Variants in PDE3B observed in about 807,000 individuals in gnomAD.
PDE3B encodes the protein phosphodiesterase 3B, also known as cGMP-inhibited 3',5'-cyclic phosphodiesterase 3B.
Under a neutral mutation model 116.8 loss-of-function variants are expected in PDE3B, and 66 were observed. The observed-to-expected ratio is 0.56, with a 90% confidence interval of 0.46 to 0.69. PDE3B has a LOEUF of 0.69. Ranked by LOEUF, PDE3B falls within the 30% of genes least tolerant of loss-of-function variation. PDE3B has a pLI of 0.00. For missense variants in PDE3B, 1,384 were observed against 1,368.1 expected, an observed-to-expected ratio of 1.01 and a Z score of -0.18; for synonymous variants, 595 against 533.6, an observed-to-expected ratio of 1.12 and a Z score of -1.59.
chr11:14,674,336 A>C, intron 1 of PDE3B: 1 of 870,632 alleles, frequency 1.1e-6, no homozygotes, highest in Non-Finnish European at 1.9e-6. Context: ...TGAAGTTCTT[A>C]TTCTTTCTGC....
chr11:14,859,700 G>C (rs1847912037), intron 13 of PDE3B, among the ~76,000 whole-genome samples: 1 of 152,094 alleles, frequency 6.6e-6, no homozygotes, highest in African/African-American at 2.4e-5. Flanking sequence ...TGATTCTTTA[G>C]CTGGCTAGTT....
chr11:14,679,969 T>A (rs1472061975), intron 1 of PDE3B, among the ~76,000 whole-genome samples: 2 of 152,072 alleles, frequency 1.3e-5, no homozygotes, highest in Non-Finnish European at 2.9e-5. Flanking sequence ...AAAGATGGCC[T>A]TATCAAATTT....
chr11:14,732,660 C>A (rs911263845), intron 1 of PDE3B, among the ~76,000 whole-genome samples: 2 of 152,136 alleles, frequency 1.3e-5, no homozygotes, highest in African/African-American at 4.8e-5. Context: ...CCTTGGTATA[C>A]ATGGGAGATT....
intron 1 of PDE3B, among the ~76,000 whole-genome samples, chr11:14,739,932 C>T (rs1856715257): frequency 6.6e-6 from 1 of 152,130 alleles, no homozygotes; most frequent in Middle Eastern, 3.2e-3. Flanking sequence ...TTGAACTAGC[C>T]TTGCATCCCA....
chr11:14,826,316 A>G (rs991625970), intron 7 of PDE3B, among the ~76,000 whole-genome samples: 1 of 152,192 alleles, frequency 6.6e-6, no homozygotes, highest in Non-Finnish European at 1.5e-5. Context: ...CATCCAAAAG[A>G]TGAATGAAAC....
At chr11:14,648,178 A>G (rs566755607) in intron 1 of PDE3B, among the ~76,000 whole-genome samples, 8 of 152,188 alleles carry the variant, frequency 5.3e-5, no homozygotes, top group South Asian at 2.1e-4. Flanking sequence ...CAGCTTTTCA[A>G]TGAGATCACT....
intron 14 of PDE3B, among the ~76,000 whole-genome samples, chr11:14,863,903 G>A (rs1306227995): frequency 2.6e-5 from 4 of 152,078 alleles, no homozygotes; most frequent in African/African-American, 9.7e-5. Context: ...CAACTAACGG[G>A]CAAAATTAAC....
At chr11:14,801,596 C>T (rs777921888) in intron 4 of PDE3B, among the ~76,000 whole-genome samples, 9 of 152,202 alleles carry the variant, frequency 5.9e-5, no homozygotes, top group Non-Finnish European at 1.3e-4. Flanking sequence ...GTCTTCCAGT[C>T]AGGATACATG....
chr11:14,707,001 T>G (rs781116595), intron 1 of PDE3B, among the ~76,000 whole-genome samples: 2 of 151,902 alleles, frequency 1.3e-5, no homozygotes, highest in Non-Finnish European at 2.9e-5. Context: ...GAAGACAATC[T>G]AGATGCCTCT....
intron 1 of PDE3B, among the ~76,000 whole-genome samples, chr11:14,693,268 A>C (rs1244691912): frequency 1.3e-5 from 2 of 152,234 alleles, no homozygotes; most frequent in African/African-American, 4.8e-5. Flanking sequence ...GCAAGTGCTG[A>C]TGGAGAAGCT....
intron 4 of PDE3B, among the ~76,000 whole-genome samples, chr11:14,799,533 G>T (rs1264757649): frequency 6.6e-6 from 1 of 151,982 alleles, no homozygotes; most frequent in Non-Finnish European, 1.5e-5. Flanking sequence ...ACAGTAGGGT[G>T]TTAAAGTCTC....
At chr11:14,659,120 T>C (rs1276898166) in intron 1 of PDE3B, among the ~76,000 whole-genome samples, 2 of 152,174 alleles carry the variant, frequency 1.3e-5, no homozygotes, top group Non-Finnish European at 2.9e-5. Context: ...GGTGAATGCC[T>C]CAGTTTATAG....
At chr11:14,836,397 G>C (rs1350152236) in intron 11 of PDE3B, among the ~76,000 whole-genome samples, 2 of 152,012 alleles carry the variant, frequency 1.3e-5, no homozygotes, top group African/African-American at 4.8e-5. Context: ...ATGTACTCAT[G>C]TAATTTTTTT....
chr11:14,796,626 T>C (rs904080474), intron 4 of PDE3B, among the ~76,000 whole-genome samples: 1 of 152,248 alleles, frequency 6.6e-6, no homozygotes, highest in Admixed American at 6.5e-5. Flanking sequence ...CCAGTGATAA[T>C]GATCATTTTT....
At chr11:14,759,036 T>A (rs1857276101) in intron 1 of PDE3B, among the ~76,000 whole-genome samples, 2 of 152,102 alleles carry the variant, frequency 1.3e-5, no homozygotes, top group South Asian at 4.2e-4. Flanking sequence ...CATGTGGTTT[T>A]TGTCTTTGGC....
At chr11:14,725,287 CTTTT>C (rs1039952918) in intron 1 of PDE3B, among the ~76,000 whole-genome samples, 2 of 149,212 alleles carry the variant, frequency 1.3e-5, no homozygotes, top group Admixed American at 6.8e-5. Context: ...TTCTTTCTTT[CTTTT>C]TCTTTCTTTC....
chr11:14,813,797 C>A (rs1229677918), intron 5 of PDE3B, among the ~76,000 whole-genome samples: 6 of 152,026 alleles, frequency 3.9e-5, no homozygotes, highest in Non-Finnish European at 7.4e-5. Flanking sequence ...AATATTGAAA[C>A]CTGACAAGGA....
intron 5 of PDE3B, among the ~76,000 whole-genome samples, chr11:14,816,615 C>CTA (rs774401910): frequency 6.6e-6 from 1 of 152,196 alleles, no homozygotes; most frequent in Non-Finnish European, 1.5e-5. Flanking sequence ...TCACTACACT[C>CTA]TAGCTTCATT....
chr11:14,682,893 T>C (rs991091637), intron 1 of PDE3B, among the ~76,000 whole-genome samples: 3 of 151,928 alleles, frequency 2.0e-5, no homozygotes, highest in African/African-American at 7.2e-5. Flanking sequence ...GACCTGGTTT[T>C]ATTTCTTCTT....
Sources: gnomAD v4.1 joint callset for allele counts (sites outside exome capture counted in the v4.1 genomes callset) on GRCh38, gnomAD v4.1.1 for gene constraint, MANE v1.5 for transcripts, NCBI Gene and HGNC (gene_info 2026-07-23, HGNC 2026-07-21) for gene names.